The following ADGRL3 variants were observed in gnomAD, a reference collection of about 807,000 sequenced individuals.
The protein encoded by ADGRL3 is calcium-independent alpha-latrotoxin receptor 3.
ADGRL3 carries 62 observed loss-of-function variants against 153.5 expected under a neutral mutation model. The observed-to-expected ratio is 0.40, with a 90% confidence interval of 0.33 to 0.50. The LOEUF is 0.50. ADGRL3 is among the 20% of genes least tolerant of loss of function. The pLI, the probability that ADGRL3 is intolerant of heterozygous loss-of-function variation, is 0.47. For synonymous variants in ADGRL3, 710 were observed against 672.5 expected (o/e 1.06, Z -0.86); for missense variants, 1,641 against 1,859.4 (o/e 0.88, Z 2.16).
At chr4:61,841,216 C>G (rs1483081362) in intron 9 of ADGRL3, among the ~76,000 whole-genome samples, 1 of 152,138 alleles carries the variant, frequency 6.6e-6, no homozygotes, top group East Asian at 1.9e-4. Flanking sequence ...TAGTTCAAAC[C>G]TTAAACATTT....
At chr4:61,214,925 G>A (rs1741920703) in intron 1 of ADGRL3, among the ~76,000 whole-genome samples, 1 of 151,976 alleles carries the variant, frequency 6.6e-6, no homozygotes, top group African/African-American at 2.4e-5. Flanking sequence ...GCTACAGAGT[G>A]AGACCTTGAC....
At position 61,724,270 on chromosome 4, in the gene ADGRL3, A is replaced by G. The variant is rs148810103; in HGVS notation, c.584-6352A>G. The stretch of plus-strand genomic sequence containing the variant: ...CCAATAATAACTTCGAAAAATTATT[A>G]TTTTTACTAAAGCTATTATAAATAG... On this transcript the variant is annotated intron_variant, in intron 6 of 26. Transcript: ENST00000683033. Among the ~76,000 whole-genome samples the G allele has an allele frequency of 5.8e-3, 888 of 152,314 alleles. 6 individuals carry two copies. Among genetic ancestry groups the G allele is most frequent in the African/African-American group, 0.02 (847 of 41,568 alleles).
rs190788999 is a variant in ADGRL3 at position 61,287,758 on chromosome 4, A to T, written c.-240+85993A>T. Among the ~76,000 whole-genome samples, 152 of 152,026 alleles carry T rather than the reference A, an allele frequency of 1.0e-3. 1 individual carries two copies. Among genetic ancestry groups the T allele is most frequent in the African/African-American group, 3.6e-3 (150 of 41,520 alleles). On this transcript the variant is annotated intron_variant, in intron 1 of 26. Transcript: ENST00000683033. Reference sequence around the variant, plus strand: ...ATCCATCTGGAGTGCCATGAAGATGACATGTACTAATTGCCCTAACTCAAT... The same window carrying T: ...ATCCATCTGGAGTGCCATGAAGATGTCATGTACTAATTGCCCTAACTCAAT...
intron 1 of ADGRL3, among the ~76,000 whole-genome samples, chr4:61,241,815 G>A (rs934654854): frequency 6.6e-6 from 1 of 151,756 alleles, no homozygotes; most frequent in Admixed American, 6.6e-5. Flanking sequence ...GCTATATTTG[G>A]GAGAAATATA....
intron 25 of ADGRL3, among the ~76,000 whole-genome samples, chr4:62,051,249 A>T (rs914409397): frequency 6.6e-6 from 1 of 150,738 alleles, no homozygotes; most frequent in African/African-American, 2.4e-5. Context: ...CAGAAAAGGA[A>T]CAATAAAATA....
In ADGRL3 at chr4:61,961,728, G is replaced by A. The variant is rs188272285; in HGVS notation, c.2805+13452G>A. Among the ~76,000 whole-genome samples, 261 of 152,040 alleles carry A rather than the reference G, an allele frequency of 1.7e-3. 2 individuals are homozygous for A. Among genetic ancestry groups the A allele is most frequent in the African/African-American group, 5.8e-3 (242 of 41,482 alleles). ...AAAGATAGTCTTTCTATTTGAGGAG[G>A]GGAATTGACACCAACTTGTGGTATA... On this transcript the variant is annotated intron_variant, in intron 17 of 26. Transcript: ENST00000683033.
intron 5 of ADGRL3, among the ~76,000 whole-genome samples, chr4:61,641,148 G>A (rs142616587): frequency 0.011 from 1,690 of 151,952 alleles, 37 homozygotes; most frequent in African/African-American, 0.038. Flanking sequence ...TTTAAAAATA[G>A]GAATAAGAAT....
At chr4:61,333,602 C>A (rs182205453) in intron 1 of ADGRL3, among the ~76,000 whole-genome samples, 128 of 149,116 alleles carry the variant, frequency 8.6e-4, no homozygotes, top group African/African-American at 3.1e-3. Context: ...ATTTTTTTTT[C>A]TTTTGTTTTT....
intron 4 of ADGRL3, among the ~76,000 whole-genome samples, chr4:61,558,414 T>C (rs936498418): frequency 3.3e-5 from 5 of 151,806 alleles, no homozygotes; most frequent in Admixed American, 2.0e-4. Flanking sequence ...ATTTAGCTAT[T>C]TGGTAATCCT....
chr4:61,237,635 C>G (rs1753332686), intron 1 of ADGRL3, among the ~76,000 whole-genome samples: 1 of 152,202 alleles, frequency 6.6e-6, no homozygotes. Context: ...TTTGAAAAAG[C>G]AAAAAATTAG....
Position 61,544,174 on chromosome 4 carries a change from G to A in ADGRL3, c.259+26656G>A, listed in dbSNP as rs140113839. Among the ~76,000 whole-genome samples the A allele has an allele frequency of 1.6e-3, 246 of 152,288 alleles. 2 individuals carry two copies. Among genetic ancestry groups the A allele is most frequent in the African/African-American group, 5.5e-3 (230 of 41,566 alleles). ...ACATTGACCATTCTCCAGAATGACG[G>A]CATCAGTTTTCACTTGCACCAGTGA... On this transcript the variant is annotated intron_variant, in intron 4 of 26. Coordinates refer to ENST00000683033, the MANE Select transcript of ADGRL3 (RefSeq NM_001387552.1).
At chr4:61,840,798 G>A (rs971437899) in intron 9 of ADGRL3, among the ~76,000 whole-genome samples, 1 of 152,146 alleles carries the variant, frequency 6.6e-6, no homozygotes, top group African/African-American at 2.4e-5. Context: ...AATAATTAAT[G>A]CTGCTTCTGA....
chr4:61,684,628 C>A (rs1425601215), intron 6 of ADGRL3, among the ~76,000 whole-genome samples: 1 of 151,982 alleles, frequency 6.6e-6, no homozygotes, highest in Non-Finnish European at 1.5e-5. Flanking sequence ...CCGAGGGGTT[C>A]CCTAGGCCTC....
chr4:61,210,799 T>G (rs1378863630), intron 1 of ADGRL3, among the ~76,000 whole-genome samples: 1 of 152,238 alleles, frequency 6.6e-6, no homozygotes, highest in Non-Finnish European at 1.5e-5. Flanking sequence ...AAGAACCTAT[T>G]GAGAAATCAT....
At chr4:61,985,557 A>T (rs542629378) in intron 19 of ADGRL3, among the ~76,000 whole-genome samples, 2 of 152,168 alleles carry the variant, frequency 1.3e-5, no homozygotes, top group Admixed American at 6.5e-5. Context: ...GCCAAATTTC[A>T]TGACTTTCCA....
intron 6 of ADGRL3, among the ~76,000 whole-genome samples, chr4:61,680,200 CTT>C (rs2095304040): frequency 6.6e-6 from 1 of 151,838 alleles, no homozygotes; most frequent in African/African-American, 2.4e-5. Flanking sequence ...AAATTTCAGA[CTT>C]AGGATTTAAT....
At chr4:61,666,776 A>G (rs1170852751) in intron 5 of ADGRL3, among the ~76,000 whole-genome samples, 2 of 152,172 alleles carry the variant, frequency 1.3e-5, no homozygotes, top group African/African-American at 4.8e-5. Flanking sequence ...AATGAATTCA[A>G]GTACATACTC....
intron 5 of ADGRL3, among the ~76,000 whole-genome samples, chr4:61,647,526 A>G (rs1295845137): frequency 3.9e-5 from 6 of 152,222 alleles, no homozygotes; most frequent in East Asian, 1.9e-4. Context: ...GTGAGGGGGA[A>G]AAAGTATTTT....
intron 9 of ADGRL3, among the ~76,000 whole-genome samples, chr4:61,870,548 G>T (rs577638821): frequency 5.3e-5 from 8 of 152,130 alleles, no homozygotes; most frequent in Non-Finnish European, 1.2e-4. Flanking sequence ...TTTGCAAATT[G>T]TATATCTGAT....
Sources: gnomAD v4.1 joint callset for allele counts (sites outside exome capture counted in the v4.1 genomes callset) on GRCh38, gnomAD v4.1.1 for gene constraint, MANE v1.5 for transcripts, NCBI Gene and HGNC (gene_info 2026-07-23, HGNC 2026-07-21) for gene names.